The following HDDC2 variants were observed in gnomAD, a reference collection of about 807,000 sequenced individuals.
The protein encoded by HDDC2 is 5'-deoxynucleotidase HDDC2.
In HDDC2, 25 loss-of-function variants were observed where a neutral mutation model predicts 25.5. That is an observed-to-expected ratio of 0.98 (90% CI 0.72 to 1.37). The LOEUF is 1.37. Among genes scored for constraint, HDDC2 ranks in the 40% most tolerant of loss-of-function variants. HDDC2 has a pLI of 0.00. For synonymous variants in HDDC2, 106 were observed against 89.7 expected, an observed-to-expected ratio of 1.18 and a Z score of -1.03; for missense variants, 264 against 253.1, an observed-to-expected ratio of 1.04 and a Z score of -0.29.
chr6:125,285,197 G>C (rs1319326347), intron 4 of HDDC2, among the ~76,000 whole-genome samples: 1 of 151,988 alleles, frequency 6.6e-6, no homozygotes, highest in Non-Finnish European at 1.5e-5. Context: ...ATAGCATTAG[G>C]AGAAATACCT....
chr6:125,286,057 T>C (rs1418522103), intron 4 of HDDC2, among the ~76,000 whole-genome samples: 1 of 152,200 alleles, frequency 6.6e-6, no homozygotes, highest in African/African-American at 2.4e-5. Flanking sequence ...ACAAGGATTT[T>C]ACATGCAGTG....
chr6:125,290,640 G>A (rs560243118), intron 4 of HDDC2, among the ~76,000 whole-genome samples: 23 of 152,188 alleles, frequency 1.5e-4, no homozygotes, highest in African/African-American at 5.1e-4. Flanking sequence ...TCTGACGTAG[G>A]GCCAATACCA....
At chr6:125,291,922 T>TC (rs1391268976) in intron 4 of HDDC2, among the ~76,000 whole-genome samples, 3 of 152,040 alleles carry the variant, frequency 2.0e-5, no homozygotes, top group South Asian at 4.2e-4. Context: ...CCTGGGCACT[T>TC]CCCCTCACAC....
chr6:125,300,910 T>A (rs1283785171), intron 1 of HDDC2, among the ~76,000 whole-genome samples: 3 of 152,136 alleles, frequency 2.0e-5, no homozygotes, highest in African/African-American at 7.2e-5. Context: ...ATTATTCTGT[T>A]ACTGATGTAT....
intron 3 of HDDC2, among the ~76,000 whole-genome samples, chr6:125,296,403 C>A (rs1798706794): frequency 6.6e-6 from 1 of 152,258 alleles, no homozygotes; most frequent in East Asian, 1.9e-4. Context: ...CCAGCAAGGG[C>A]AAATGAGGTT....
intron 3 of HDDC2, among the ~76,000 whole-genome samples, chr6:125,294,450 T>G (rs1405758491): frequency 6.6e-6 from 1 of 152,244 alleles, no homozygotes; most frequent in Non-Finnish European, 1.5e-5. Flanking sequence ...TTAGCTTATG[T>G]TGTACATGCA....
At position 125,301,958 on chromosome 6, in the gene HDDC2, A is replaced by T; in HGVS notation, c.-26T>A. The T allele has an allele frequency of 2.6e-6, 4 of 1,536,490 alleles. No individual in the cohort carries two copies. The African/African-American group carries it at 5.5e-5, about 21-fold the overall frequency. ...GCGGCCACCGACCCCGGCTGGGCGG[A>T]GCAGGCCGCGGCGAAGCTCCTCCCC... On this transcript the variant is annotated 5_prime_UTR_variant, in exon 1 of 6. Coordinates refer to ENST00000398153, the MANE Select transcript of HDDC2 (RefSeq NM_016063.3).
intron 3 of HDDC2, among the ~76,000 whole-genome samples, chr6:125,298,224 G>A (rs1003351294): frequency 6.6e-6 from 1 of 152,062 alleles, no homozygotes; most frequent in African/African-American, 2.4e-5. Flanking sequence ...CATGTACCCT[G>A]TAACTAAAAT....
chr6:125,290,589 G>C (rs1798615991), intron 4 of HDDC2, among the ~76,000 whole-genome samples: 1 of 152,166 alleles, frequency 6.6e-6, no homozygotes, highest in Non-Finnish European at 1.5e-5. Flanking sequence ...TACTTGATGA[G>C]AGCGGACCCT....
chr6:125,284,343 C>G (rs2115104816), intron 4 of HDDC2, among the ~76,000 whole-genome samples: 1 of 152,238 alleles, frequency 6.6e-6, no homozygotes, highest in East Asian at 1.9e-4. Context: ...AGCTTCTGCA[C>G]AGCAAAAGAA....
Position 125,285,301 on chromosome 6 carries a change from C to T in HDDC2, c.378+7540G>A, listed in dbSNP as rs550726217. Reference sequence around the variant, plus strand: ...CACGTTCTGCACATGTATCCCAGAACTTAAAGTATAAAAAAAAAGAAAAGA... The same window carrying T: ...CACGTTCTGCACATGTATCCCAGAATTTAAAGTATAAAAAAAAAGAAAAGA... On this transcript the variant is annotated intron_variant, in intron 4 of 5. Coordinates refer to ENST00000398153, the MANE Select transcript of HDDC2 (RefSeq NM_016063.3). Among the ~76,000 whole-genome samples the T allele has an allele frequency of 8.6e-5, 13 of 151,208 alleles. No homozygotes were observed. The South Asian group carries it at 1.9e-3, about 22-fold the overall frequency.
Position 125,298,817 on chromosome 6 carries a change from C to G in HDDC2, c.207-1G>C. 6.2e-7 allele frequency: 1 copy of G among 1,607,968 alleles called. No individual in the cohort carries two copies. The highest frequency in any genetic ancestry group is 8.5e-7 in the Non-Finnish European group (1 of 1,174,502). Reference sequence around the variant, plus strand: ...ATGAACCAGGGCTAGGCGTACACATCTGATCAGGCAAGAAATGTCGAATAA... The same window carrying G: ...ATGAACCAGGGCTAGGCGTACACATGTGATCAGGCAAGAAATGTCGAATAA... On this transcript the variant is annotated splice_acceptor_variant, in intron 2 of 5. Transcript: ENST00000398153. LOFTEE classifies it high-confidence loss of function.
At position 125,277,099 on chromosome 6, in the gene HDDC2, T is replaced by A; in HGVS notation, c.517+3A>T. 1 of 1,614,008 alleles carries A rather than the reference T, an allele frequency of 6.2e-7. No individual in the cohort carries two copies. The highest frequency in any genetic ancestry group is 8.5e-7 in the Non-Finnish European group (1 of 1,179,958). ...GACTCTTGTTGAAAATGGTGTTGAG[T>A]ACCTGCTGTGGAATCATAGAAGTCT... is the stretch of plus-strand genomic sequence containing the variant. On this transcript the variant is annotated splice_donor_region_variant and intron_variant, in intron 5 of 5. Coordinates refer to ENST00000398153, the MANE Select transcript of HDDC2 (RefSeq NM_016063.3).
chr6:125,285,646 A>C (rs1398870902), intron 4 of HDDC2, among the ~76,000 whole-genome samples: 1 of 151,746 alleles, frequency 6.6e-6, no homozygotes, highest in Non-Finnish European at 1.5e-5. Flanking sequence ...CTTAAAATTA[A>C]ATTAAAAAAA....
intron 4 of HDDC2, among the ~76,000 whole-genome samples, chr6:125,283,767 T>G (rs61342896): frequency 0.16 from 24,602 of 152,084 alleles, 2,115 homozygotes; most frequent in Middle Eastern, 0.21. Flanking sequence ...TCAATGCTAT[T>G]CCTATTAAGC....
At chr6:125,300,811 T>TA (rs1798788102) in intron 1 of HDDC2, 152 bp from the exon 2 acceptor site, 6 of 696,394 alleles carry the variant, frequency 8.6e-6, no homozygotes, top group East Asian at 8.4e-5. Context: ...GCTAAAATGA[T>TA]AGACATCTGG....
chr6:125,301,481 A>AGCACACACACGC lies in HDDC2; in HGVS notation c.84+367_84+368insGCGTGTGTGTGC, dbSNP rs1385989418. ...CACACACACGAGTTCTGGGGTCGTG[A>AGCACACACACGC]GCACACACACACACACACACACACA... On this transcript the variant is annotated intron_variant, in intron 1 of 5. Transcript: ENST00000398153. 3.2e-3 allele frequency among the ~76,000 whole-genome samples: 326 copies of AGCACACACACGC among 101,584 alleles called. 6 individuals carry two copies. The highest frequency in any genetic ancestry group is 0.014 in the African/African-American group (240 of 17,102). 66.6% of individuals were successfully genotyped at this position (101,584 alleles called of 152,430 possible).
chr6:125,282,219 G>A (rs551115540), intron 4 of HDDC2, among the ~76,000 whole-genome samples: 11 of 151,988 alleles, frequency 7.2e-5, no homozygotes, highest in Admixed American at 3.9e-4. Flanking sequence ...GGTGGCGGGC[G>A]CCTATAGTCT....
intron 1 of HDDC2, among the ~76,000 whole-genome samples, chr6:125,301,482 G>GCACACACACGCGCACACACA (rs1412473241): frequency 2.2e-4 from 27 of 120,418 alleles, no homozygotes; most frequent in African/African-American, 9.1e-4. Context: ...GGGGTCGTGA[G>GCACACACACGCGCACACACA]CACACACACA....
Sources: allele counts gnomAD v4.1 joint callset (sites outside exome capture counted in the v4.1 genomes callset), GRCh38; gene constraint gnomAD v4.1.1; transcripts MANE v1.5; gene names NCBI Gene and HGNC (gene_info 2026-07-23, HGNC 2026-07-21).